CATSPERB: variants seen among roughly 807,000 people sequenced by gnomAD.
CATSPERB encodes the protein catsper channel auxiliary subunit beta.
A neutral mutation model predicts 128.3 loss-of-function variants in CATSPERB; 93 were observed. The ratio of observed to expected loss-of-function variants is 0.72; its 90% CI spans 0.61 to 0.86. The LOEUF is 0.86. Among genes scored for constraint, CATSPERB ranks in the 40% least tolerant of loss-of-function variants. CATSPERB has a pLI of 0.00. For synonymous variants in CATSPERB, 381 were observed against 448.8 expected, an observed-to-expected ratio of 0.85 and a Z score of 1.91; for missense variants, 1,153 against 1,329.5, an observed-to-expected ratio of 0.87 and a Z score of 2.06.
intron 24 of CATSPERB, 119 bp downstream of exon 24, chr14:91,589,415 A>G: frequency 2.1e-6 from 2 of 937,136 alleles, no homozygotes; most frequent in Non-Finnish European, 3.1e-6. Context: ...ATCCAAATCC[A>G]TTTGCAAGAA....
At chr14:91,668,676 C>A (rs112645749) in intron 14 of CATSPERB, among the ~76,000 whole-genome samples, 2 of 152,184 alleles carry the variant, frequency 1.3e-5, no homozygotes, top group South Asian at 2.1e-4. Flanking sequence ...TGAGGGTCTG[C>A]GGCTTCATTC....
At chr14:91,650,537 G>A (rs971223093) in intron 15 of CATSPERB, among the ~76,000 whole-genome samples, 5 of 152,148 alleles carry the variant, frequency 3.3e-5, no homozygotes, top group Non-Finnish European at 7.4e-5. Context: ...AAGAATCCAA[G>A]GCTGGCTTGA....
At chr14:91,720,157 A>G (rs908830430) in intron 4 of CATSPERB, among the ~76,000 whole-genome samples, 1 of 152,056 alleles carries the variant, frequency 6.6e-6, no homozygotes, top group Non-Finnish European at 1.5e-5. Context: ...AAAGAGAAAA[A>G]TCTTAAAAGC....
chr14:91,621,552 A>C, intron 19 of CATSPERB, 56 bp downstream of exon 19: 1 of 1,353,262 alleles, frequency 7.4e-7, no homozygotes, highest in Non-Finnish European at 1.0e-6. Context: ...TATATTTCAC[A>C]TTCAAGAAAA....
In CATSPERB at chr14:91,693,486, T is replaced by C. The variant is rs781149275; in HGVS notation, c.617-7A>G. On this transcript the variant is annotated splice_polypyrimidine_tract_variant and splice_region_variant and intron_variant, in intron 7 of 26. Transcript: ENST00000256343. ...GTTATGCCTATGTAAACACCTACCA[T>C]GAAACAAAAGGAAAATTAAAGCCAG... 3 of 1,608,392 alleles carry C rather than the reference T, an allele frequency of 1.9e-6. No individual in the cohort carries two copies. The highest frequency in any genetic ancestry group is 2.2e-5 in the East Asian group (1 of 44,826).
chr14:91,589,694 A>ATTTGTGAAT, intron 23 of CATSPERB, 25 bp from the exon 24 acceptor site: 9 of 1,604,286 alleles, frequency 5.6e-6, no homozygotes, highest in Non-Finnish European at 7.7e-6. Context: ...CCAAGAATGA[A>ATTTGTGAAT]TGTAAACTTG....
At chr14:91,722,987 C>T (rs1223626137) in intron 4 of CATSPERB, 62 bp downstream of exon 4, 2 of 1,268,056 alleles carry the variant, frequency 1.6e-6, no homozygotes, top group Admixed American at 5.9e-5. Flanking sequence ...AAAATACATC[C>T]TATAAGGAAG....
intron 7 of CATSPERB, among the ~76,000 whole-genome samples, chr14:91,702,426 A>G (rs1328623636): frequency 1.3e-5 from 2 of 151,432 alleles, no homozygotes; most frequent in African/African-American, 4.9e-5. Flanking sequence ...TAGTAAAACT[A>G]AAGGAATTCC....
chr14:91,649,329 A>C (rs1894662461), intron 15 of CATSPERB, among the ~76,000 whole-genome samples: 1 of 42,382 alleles, frequency 2.4e-5, no homozygotes, highest in Non-Finnish European at 4.6e-5. Context: ...ATGTATACAT[A>C]TATGTGTGTG....
At chr14:91,638,063 C>T (rs1894411253) in intron 16 of CATSPERB, among the ~76,000 whole-genome samples, 1 of 152,152 alleles carries the variant, frequency 6.6e-6, no homozygotes, top group Non-Finnish European at 1.5e-5. Context: ...TAAACACCAT[C>T]CTCTCAACTG....
At chr14:91,631,265 T>C (rs549653998) in intron 17 of CATSPERB, among the ~76,000 whole-genome samples, 6 of 152,368 alleles carry the variant, frequency 3.9e-5, no homozygotes, top group African/African-American at 9.6e-5. Context: ...CAAATATTCA[T>C]TGAATGAATG....
At chr14:91,701,927 A>T (rs891361727) in intron 7 of CATSPERB, among the ~76,000 whole-genome samples, 4 of 138,164 alleles carry the variant, frequency 2.9e-5, no homozygotes, top group Non-Finnish European at 6.3e-5. Context: ...AAAAAAAAAA[A>T]TTGCTGATTT....
chr14:91,636,412 T>C lies in CATSPERB; in HGVS notation c.1742+13A>G. 6.2e-7 allele frequency: 1 copy of C among 1,609,088 alleles called. No individual in the cohort carries two copies. The highest frequency in any genetic ancestry group is 1.1e-5 in the South Asian group (1 of 90,564). On this transcript the variant is annotated intron_variant, in intron 17 of 26. Transcript: ENST00000256343. ...GAAACCAATATGCCATCTAAATAAA[T>C]GCATATCACTACCCAGAGTGTATCA...
At chr14:91,706,147 G>C (rs947830215) in intron 6 of CATSPERB, among the ~76,000 whole-genome samples, 1 of 152,116 alleles carries the variant, frequency 6.6e-6, no homozygotes, top group African/African-American at 2.4e-5. Context: ...GACTTTATGT[G>C]ATATTTTTTT....
chr14:91,666,019 T>A (rs1340282353), intron 14 of CATSPERB, among the ~76,000 whole-genome samples: 1 of 152,160 alleles, frequency 6.6e-6, no homozygotes, highest in African/African-American at 2.4e-5. Context: ...GTTCTCGTGA[T>A]AGTGAGTTCT....
intron 5 of CATSPERB, among the ~76,000 whole-genome samples, chr14:91,714,277 C>CAAAAAAAAAAAAAGA (rs1895895817): frequency 9.0e-6 from 1 of 111,294 alleles, no homozygotes; most frequent in Admixed American, 9.0e-5. Flanking sequence ...TACAATAAGG[C>CAAAAAAAAAAAAAGA]AAAAAAAAAA....
chr14:91,679,752 C>G (rs1351271593), intron 11 of CATSPERB, among the ~76,000 whole-genome samples: 11 of 152,188 alleles, frequency 7.2e-5, no homozygotes, highest in Non-Finnish European at 4.4e-5. Flanking sequence ...AAATCTCTGA[C>G]CTCTTTCTTG....
intron 18 of CATSPERB, 99 bp from the exon 19 acceptor site, chr14:91,622,036 T>A: frequency 1.3e-6 from 1 of 741,734 alleles, no homozygotes; most frequent in East Asian, 2.7e-5. Context: ...TTTGAGTTTT[T>A]AAACTATCTC....
At chr14:91,624,549 G>T (rs1894116804) in intron 18 of CATSPERB, among the ~76,000 whole-genome samples, 1 of 151,940 alleles carries the variant, frequency 6.6e-6, no homozygotes, top group Non-Finnish European at 1.5e-5. Context: ...GCTGAAGCAG[G>T]AGAATCGCTT....
Sources: allele counts gnomAD v4.1 joint callset (sites outside exome capture counted in the v4.1 genomes callset), GRCh38; gene constraint gnomAD v4.1.1; transcripts MANE v1.5; gene names NCBI Gene and HGNC (gene_info 2026-07-23, HGNC 2026-07-21).